Variants in SPARCL1 observed in about 807,000 individuals in gnomAD.
The protein encoded by SPARCL1 is SPARC-like protein 1.
SPARCL1 carries 52 observed loss-of-function variants against 67.1 expected under a neutral mutation model. That is an observed-to-expected ratio of 0.78 (90% CI 0.62 to 0.98). The LOEUF is 0.98. Ranked by LOEUF, SPARCL1 falls within the 50% of genes least tolerant of loss-of-function variation. SPARCL1 has a pLI of 0.00. For missense variants in SPARCL1, 717 were observed against 782.4 expected (o/e 0.92, Z 1.00); for synonymous variants, 226 against 267.8 (o/e 0.84, Z 1.52).
chr4:87,521,847 T>A (rs1362096655), intron 1 of SPARCL1, among the ~76,000 whole-genome samples: 1 of 152,228 alleles, frequency 6.6e-6, no homozygotes, highest in African/African-American at 2.4e-5. Context: ...GTTGAATTTG[T>A]TTATATCAGA....
Position 87,482,552 on chromosome 4 carries a change from T to C in SPARCL1, c.1540A>G (p.Thr514Ala), listed in dbSNP as rs1462139178. The change falls in exon 8 of 11, where the codon ACT becomes GCT. Residue 514 changes from threonine (T) to alanine (A), a missense_variant. Coordinates refer to ENST00000282470, the MANE Select transcript of SPARCL1 (RefSeq NM_004684.6). ...DYFGACKSIP[T>A]CTDFEVIQFP... ...TGAATCACTTCAAAGTCCGTACAAG[T>C]AGGAATAGCTGTTACAAGCAGAAAA... The C allele has an allele frequency of 3.1e-6, 5 of 1,613,822 alleles. No homozygotes were observed. The African/African-American group carries it at 5.3e-5, about 17-fold the overall frequency.
At chr4:87,503,420 C>T (rs1198287084) in intron 1 of SPARCL1, among the ~76,000 whole-genome samples, 1 of 152,120 alleles carries the variant, frequency 6.6e-6, no homozygotes, top group Non-Finnish European at 1.5e-5. Context: ...CACTTGTCTT[C>T]TTTGTCTCCT....
At chr4:87,475,933 G>A (rs1052467303) in intron 10 of SPARCL1, among the ~76,000 whole-genome samples, 6 of 152,124 alleles carry the variant, frequency 3.9e-5, no homozygotes, top group Non-Finnish European at 4.4e-5. Context: ...TCATATGCTC[G>A]TTGCAGCACT....
intron 2 of SPARCL1, among the ~76,000 whole-genome samples, chr4:87,498,373 T>A (rs1724708287): frequency 6.6e-6 from 1 of 152,142 alleles, no homozygotes; most frequent in African/African-American, 2.4e-5. Context: ...AAGGACAGAA[T>A]TTTAGACCTA....
intron 1 of SPARCL1, among the ~76,000 whole-genome samples, chr4:87,512,131 A>T (rs1725389306): frequency 6.6e-6 from 1 of 151,506 alleles, no homozygotes; most frequent in Admixed American, 6.6e-5. Flanking sequence ...AACCCAGCTA[A>T]TTTTTTTGTA....
At position 87,490,779 on chromosome 4, in the gene SPARCL1, G is replaced by A. The variant is rs1055961684; in HGVS notation, c.1391C>T (p.Pro464Leu). 3.1e-6 allele frequency: 5 copies of A among 1,608,414 alleles called. No homozygotes were observed. In the African/African-American group the frequency reaches 6.7e-5, roughly 22 times the overall value. Residue 464 changes from proline (P) to leucine (L), a missense_variant, in exon 6 of 11, where the codon CCA (proline) becomes CTA (leucine). By Grantham distance (98) the Pro-to-Leu change is moderately conservative. Coordinates refer to ENST00000282470, the MANE Select transcript of SPARCL1 (RefSeq NM_004684.6). Reference protein sequence around the residue: ...CVCQDPVTCPPTKPLDQVCGT... With the variant: ...CVCQDPVTCPLTKPLDQVCGT... ...ACTTACTTGATCAAGGGGTTTTGTT[G>A]GAGGACAAGTCACTGGATCCTGGCA...
At chr4:87,485,689 T>C (rs1724026657) in intron 7 of SPARCL1, among the ~76,000 whole-genome samples, 1 of 152,208 alleles carries the variant, frequency 6.6e-6, no homozygotes, top group Non-Finnish European at 1.5e-5. Flanking sequence ...TGAATCTGTC[T>C]GGTCCCCAGC....
At position 87,493,809 on chromosome 4, in the gene SPARCL1, T is replaced by C; in HGVS notation, c.991A>G (p.Thr331Ala). 1.2e-6 allele frequency: 2 copies of C among 1,614,094 alleles called. No individual in the cohort carries two copies. Among genetic ancestry groups the C allele is most frequent in the Non-Finnish European group, 1.7e-6 (2 of 1,180,004 alleles). The change falls in exon 4 of 11, where the codon ACG (threonine) becomes GCG (alanine). Residue 331 changes from threonine to alanine, a missense_variant. Coordinates refer to ENST00000282470, the MANE Select transcript of SPARCL1 (RefSeq NM_004684.6). ...TCATCAACTCCATGATTTCTGGGCG[T>C]GGTATTACCATCATCAGTAGGTTCC... ...LMEPTDDGNT[T>A]PRNHGVDDDG...
chr4:87,524,692 T>G (rs999166472), intron 1 of SPARCL1, among the ~76,000 whole-genome samples: 1 of 152,186 alleles, frequency 6.6e-6, no homozygotes, highest in Non-Finnish European at 1.5e-5. Context: ...TCTCCTCAGC[T>G]GCAGCACCTG....
intron 7 of SPARCL1, among the ~76,000 whole-genome samples, chr4:87,483,989 G>C (rs1027456848): frequency 1.5e-4 from 23 of 152,064 alleles, no homozygotes; most frequent in African/African-American, 5.6e-4. Context: ...TAAGCCCTTA[G>C]TTAGATTGAC....
intron 1 of SPARCL1, among the ~76,000 whole-genome samples, chr4:87,500,782 G>GTACGCGCGCACGCACA (rs34151224): frequency 4.0e-5 from 6 of 151,354 alleles, no homozygotes; most frequent in African/African-American, 1.2e-4. Context: ...TCACACACAC[G>GTACGCGCGCACGCACA]TACGCGCGCA....
chr4:87,503,002 G>A (rs4693169), intron 1 of SPARCL1, among the ~76,000 whole-genome samples: 66,925 of 152,032 alleles, frequency 0.44, 15,491 homozygotes, highest in East Asian at 0.75. Context: ...TGTGAAATCA[G>A]TGAAGAGACT....
In SPARCL1 at chr4:87,479,528, A is replaced by G. The variant is rs774467937; in HGVS notation, c.1868T>C (p.Met623Thr). 9.9e-6 allele frequency: 16 copies of G among 1,614,010 alleles called. No homozygotes were observed. In the South Asian group the frequency reaches 1.6e-4, roughly 17 times the overall value. ...AAAGAAACGGGTTATGCAGTGTTCC[A>G]TGGGCACCAGAGATGCTCGCAGAGG... Reference protein sequence around the residue: ...LAPLRASLVPMEHCITRFFEE... With the variant: ...LAPLRASLVPTEHCITRFFEE... The change falls in exon 10 of 11, where the codon ATG (methionine) becomes ACG (threonine). Residue 623 changes from methionine to threonine, a missense_variant. Physicochemically the swap from Met to Thr is moderately conservative, Grantham distance 81. Coordinates refer to ENST00000282470, the MANE Select transcript of SPARCL1 (RefSeq NM_004684.6).
intron 8 of SPARCL1, 38 bp from the exon 9 acceptor site, chr4:87,480,558 A>ACAAAT (rs764659865): frequency 1.3e-6 from 2 of 1,580,382 alleles, no homozygotes; most frequent in Non-Finnish European, 1.7e-6. Context: ...AGAGAATCAG[A>ACAAAT]CAAATGTAAT....
At chr4:87,505,686 C>T (rs1725042601) in intron 1 of SPARCL1, among the ~76,000 whole-genome samples, 1 of 150,760 alleles carries the variant, frequency 6.6e-6, no homozygotes, top group Admixed American at 6.6e-5. Context: ...TCTCAAGTAG[C>T]TGGGGATATA....
rs752805557 is a variant in SPARCL1, at chr4:87,490,484, G to T, written c.1411-91C>A. 13 of 1,426,052 alleles carry T rather than the reference G, an allele frequency of 9.1e-6. No homozygotes were observed. The South Asian group carries it at 1.8e-4, about 20-fold the overall frequency. 88.3% of individuals were successfully genotyped at this position (1,426,052 alleles called of 1,614,324 possible). A position where few individuals can be genotyped will look rare whatever the true frequency, so the allele number is the denominator to read the frequency against. ...TTAAAGCTCATATGCTGATAACAGC[G>T]CTGTGCCAAAGATGTGGTCAGGTAG... On this transcript the variant is annotated intron_variant, in intron 6 of 10. Transcript: ENST00000282470.
intron 1 of SPARCL1, among the ~76,000 whole-genome samples, chr4:87,512,638 C>T (rs778980450): frequency 6.6e-6 from 1 of 152,268 alleles, no homozygotes. Flanking sequence ...TCCTAGCTCA[C>T]TGAAGCCAGA....
chr4:87,503,284 G>A (rs1724922740), intron 1 of SPARCL1, among the ~76,000 whole-genome samples: 1 of 152,164 alleles, frequency 6.6e-6, no homozygotes, highest in African/African-American at 2.4e-5. Flanking sequence ...TCCAATTCTG[G>A]AAACTTGCAT....
chr4:87,480,564 GT>G, intron 8 of SPARCL1, 44 bp from the exon 9 acceptor site: 1 of 1,556,288 alleles, frequency 6.4e-7, no homozygotes, highest in African/African-American at 1.5e-5. Flanking sequence ...TCAGACAAAT[GT>G]AATGGACTTG....
Sources: allele counts gnomAD v4.1 joint callset (sites outside exome capture counted in the v4.1 genomes callset), GRCh38; gene constraint gnomAD v4.1.1; transcripts MANE v1.5; gene names NCBI Gene and HGNC (gene_info 2026-07-23, HGNC 2026-07-21).